The following FKBP7 variants were observed in gnomAD, a reference collection of about 807,000 sequenced individuals.
The protein encoded by FKBP7 is peptidyl-prolyl cis-trans isomerase FKBP7.
In FKBP7, 24 loss-of-function variants were observed where a neutral mutation model predicts 24.3. That is an observed-to-expected ratio of 0.99 (90% CI 0.72 to 1.39). The LOEUF (loss-of-function observed/expected upper bound fraction) is 1.39, where lower values mean the gene tolerates loss of function less well. Ranked by LOEUF, FKBP7 falls within the 40% of genes most tolerant of loss-of-function variation. The pLI, the probability that FKBP7 is intolerant of heterozygous loss-of-function variation, is 0.00. For missense variants in FKBP7, 257 were observed against 269.5 expected (o/e 0.95, Z 0.33); for synonymous variants, 98 against 92.8 (o/e 1.06, Z -0.32).
At chr2:178,478,157 G>A (rs1685065891) in intron 1 of FKBP7, 122 bp downstream of exon 1, 3 of 997,006 alleles carry the variant, frequency 3.0e-6, no homozygotes, top group Non-Finnish European at 4.4e-6. Flanking sequence ...AATGAATAAA[G>A]GGCTCAACTT....
intron 2 of FKBP7, among the ~76,000 whole-genome samples, chr2:178,476,270 T>C (rs1684997035): frequency 6.6e-6 from 1 of 152,232 alleles, no homozygotes; most frequent in Admixed American, 6.5e-5. Context: ...TGGACTGAAC[T>C]AGATAGAGCT....
In FKBP7 at chr2:178,478,441, AGGCCCC is replaced by A; in HGVS notation, c.53_58del (p.Trp18_Leu20delinsPhe). ...TTTCTTTTGTCTCTGAGCAGTAAAA[AGGCCCC>A]ACAGATAAAAGAAAACAATGAATCT... On this transcript the variant is annotated inframe_deletion, in exon 1 of 4. Transcript: ENST00000424785. The A allele has an allele frequency of 1.2e-6, 2 of 1,614,242 alleles. No homozygotes were observed. Among genetic ancestry groups the A allele is most frequent in the Non-Finnish European group, 1.7e-6 (2 of 1,180,038 alleles).
Position 178,463,689 on chromosome 2 carries a change from ATTT to A in FKBP7, c.*2078_*2080del, listed in dbSNP as rs950775732. The A allele has an allele frequency of 6.6e-6, 1 of 152,206 alleles. No individual in the cohort carries two copies. The allele number at this position is 152,206 out of a possible 1,614,324, so 9.4% of individuals were successfully genotyped here. A position where few individuals can be genotyped will look rare whatever the true frequency, so the allele number is the denominator to read the frequency against. On this transcript the variant is annotated 3_prime_UTR_variant, in exon 4 of 4. Transcript: ENST00000424785. Reference sequence around the variant, plus strand: ...TTGTATGTAGAATGATTATAAATTTATTTTTAATTATGTAAATACAAGTTTTAG... The same window carrying A: ...TTGTATGTAGAATGATTATAAATTTATTAATTATGTAAATACAAGTTTTAG...
chr2:178,477,977 T>A (rs997691165), intron 1 of FKBP7, among the ~76,000 whole-genome samples: 1 of 152,230 alleles, frequency 6.6e-6, no homozygotes, highest in Non-Finnish European at 1.5e-5. Flanking sequence ...TGAACATCCT[T>A]ATAGGCAGAA....
Position 178,474,927 on chromosome 2 carries a change from A to T in FKBP7, c.373+2135T>A, listed in dbSNP as rs138728033. 4.7e-4 allele frequency among the ~76,000 whole-genome samples: 71 copies of T among 152,128 alleles called. 3 individuals carry two copies. In the East Asian group the frequency reaches 0.013, roughly 29 times the overall value. ...GCTTTCAGACTCCTGGGCTCAAGTG[A>T]TCCTCCCACCTTAGCCTCTCAAAGT... On this transcript the variant is annotated intron_variant, in intron 2 of 3. Transcript: ENST00000424785.
At chr2:178,470,725 G>A (rs940540420) in intron 2 of FKBP7, among the ~76,000 whole-genome samples, 5 of 151,662 alleles carry the variant, frequency 3.3e-5, no homozygotes, top group African/African-American at 1.2e-4. Context: ...GAGACAGGAG[G>A]ATCACTTGAG....
In FKBP7 at chr2:178,472,873, G is replaced by A. The variant is rs1454436614; in HGVS notation, c.374-3088C>T. Reference sequence around the variant, plus strand: ...TCTCAAAAAAAAAAAAAAAAAAAAGGATATATTGCCAATTACCTCTTTTTC... The same window carrying A: ...TCTCAAAAAAAAAAAAAAAAAAAAGAATATATTGCCAATTACCTCTTTTTC... On this transcript the variant is annotated intron_variant, in intron 2 of 3. Coordinates refer to ENST00000424785, the MANE Select transcript of FKBP7 (RefSeq NM_181342.3). Among the ~76,000 whole-genome samples, 14 of 106,362 alleles carry A rather than the reference G, an allele frequency of 1.3e-4. 1 individual carries two copies. Among genetic ancestry groups the A allele is most frequent in the East Asian group, 1.3e-3 (6 of 4,666 alleles). The allele number at this position is 106,362 out of a possible 152,430, so 69.8% of individuals were successfully genotyped here.
Position 178,465,388 on chromosome 2 carries a change from TTAAC to T in FKBP7, c.*378_*381del. The T allele has an allele frequency of 6.5e-6, 1 of 154,964 alleles. No individual in the cohort carries two copies. The highest frequency in any genetic ancestry group is 1.4e-5 in the Non-Finnish European group (1 of 69,876). The allele number at this position is 154,964 out of a possible 1,614,324, so 9.6% of individuals were successfully genotyped here. ...GGATATTTTCAAAATATGAGGCACT[TTAAC>T]TTTTAAACTATAAAAAAACTGGATA... On this transcript the variant is annotated 3_prime_UTR_variant, in exon 4 of 4. Coordinates refer to ENST00000424785, the MANE Select transcript of FKBP7 (RefSeq NM_181342.3).
intron 2 of FKBP7, among the ~76,000 whole-genome samples, chr2:178,474,419 C>G (rs907248997): frequency 2.0e-5 from 3 of 152,178 alleles, no homozygotes; most frequent in African/African-American, 7.2e-5. Context: ...ATAAAACTTT[C>G]AAATGGTACA....
chr2:178,469,989 T>A (rs1684807062), intron 2 of FKBP7, among the ~76,000 whole-genome samples: 1 of 152,116 alleles, frequency 6.6e-6, no homozygotes, highest in Admixed American at 6.5e-5. Flanking sequence ...CTCTTTTTTT[T>A]ATAAATACTT....
intron 1 of FKBP7, 66 bp downstream of exon 1, chr2:178,478,212 TC>T: frequency 6.3e-7 from 1 of 1,578,884 alleles, no homozygotes; most frequent in Non-Finnish European, 8.6e-7. Context: ...CAATGAGGCT[TC>T]CGCTTGGTGG....
chr2:178,478,254 A>T (rs764093286), intron 1 of FKBP7, 25 bp downstream of exon 1: 2 of 1,612,760 alleles, frequency 1.2e-6, no homozygotes, highest in East Asian at 4.5e-5. Context: ...AACTGGACGC[A>T]CGGGCAGCTC....
rs191367423 is a variant in FKBP7 at position 178,471,570 on chromosome 2, A to C, written c.374-1785T>G. Among the ~76,000 whole-genome samples the C allele has an allele frequency of 1.4e-3, 220 of 152,328 alleles. 5 individuals are homozygous for C. In the South Asian group the frequency reaches 0.022, roughly 15 times the overall value. On this transcript the variant is annotated intron_variant, in intron 2 of 3. Transcript: ENST00000424785. ...GCTATTTCAGATAAATATGTCATAA[A>C]AGTGACTTGCAAAAATGACTTGCTA...
chr2:178,470,800 A>G (rs1166734603), intron 2 of FKBP7, among the ~76,000 whole-genome samples: 1 of 152,128 alleles, frequency 6.6e-6, no homozygotes, highest in Non-Finnish European at 1.5e-5. Flanking sequence ...AAAAAAAAGA[A>G]TTAAAATAAA....
At position 178,478,501 on chromosome 2, in the gene FKBP7, G is replaced by T. The variant is rs1685079525; in HGVS notation, c.-2C>A. The T allele has an allele frequency of 1.9e-6, 3 of 1,613,838 alleles. No individual in the cohort carries two copies. Among genetic ancestry groups the T allele is most frequent in the Non-Finnish European group, 2.5e-6 (3 of 1,180,018 alleles). On this transcript the variant is annotated 5_prime_UTR_variant, in exon 1 of 4. Transcript: ENST00000424785. ...TAAGAAATGCATGGTTTTTGGCATC[G>T]GCTCCAGCAGAACACTGCTCTCCCT...
At chr2:178,471,162 G>A (rs1684839251) in intron 2 of FKBP7, among the ~76,000 whole-genome samples, 1 of 151,696 alleles carries the variant, frequency 6.6e-6, no homozygotes. Context: ...ACTGTGCCTG[G>A]CCAGAATTGC....
chr2:178,472,157 C>T (rs978692470), intron 2 of FKBP7, among the ~76,000 whole-genome samples: 12 of 151,694 alleles, frequency 7.9e-5, no homozygotes, highest in African/African-American at 2.9e-4. Context: ...TCACTGCAAC[C>T]TCCACCTCCC....
intron 2 of FKBP7, among the ~76,000 whole-genome samples, chr2:178,475,695 T>A (rs953194705): frequency 6.6e-6 from 1 of 152,244 alleles, no homozygotes; most frequent in African/African-American, 2.4e-5. Flanking sequence ...TAAAATTAAG[T>A]ATTCTCATAG....
chr2:178,465,213 T>G lies in FKBP7; in HGVS notation c.*557A>C, dbSNP rs1684619954. 1 of 152,200 alleles carries G rather than the reference T, an allele frequency of 6.6e-6. No individual in the cohort carries two copies. Among genetic ancestry groups the G allele is most frequent in the Non-Finnish European group, 1.5e-5 (1 of 68,030 alleles). 9.4% of individuals were successfully genotyped at this position (152,200 alleles called of 1,614,324 possible). The stretch of plus-strand genomic sequence containing the variant: ...AGCTTACACCAAAAAGTTTAGAGAC[T>G]GTGTTGCGTTCTTTGTGGAACAGAG... On this transcript the variant is annotated 3_prime_UTR_variant, in exon 4 of 4. Transcript: ENST00000424785.
Sources: gnomAD v4.1 joint callset for allele counts (sites outside exome capture counted in the v4.1 genomes callset) on GRCh38, gnomAD v4.1.1 for gene constraint, MANE v1.5 for transcripts, NCBI Gene and HGNC (gene_info 2026-07-23, HGNC 2026-07-21) for gene names.